SLC25A13: variants seen among roughly 807,000 people sequenced by gnomAD.
The protein encoded by SLC25A13 is solute carrier family 25 member 13.
A neutral mutation model predicts 85.5 loss-of-function variants in SLC25A13; 70 were observed. That is an observed-to-expected ratio of 0.82 (90% confidence interval 0.68 to 1.00). The LOEUF is 1.00. Ranked by LOEUF, SLC25A13 falls within the 50% of genes least tolerant of loss-of-function variation. The probability of loss-of-function intolerance (pLI) is 0.00; values close to 1 mark genes in which losing one functional copy is unlikely to be tolerated. For missense variants in SLC25A13, 765 were observed against 819.8 expected, an observed-to-expected ratio of 0.93 and a Z score of 0.82; for synonymous variants, 259 against 288.7, an observed-to-expected ratio of 0.90 and a Z score of 1.04.
At chr7:96,265,403 A>C (rs913668189) in intron 3 of SLC25A13, among the ~76,000 whole-genome samples, 4 of 152,216 alleles carry the variant, frequency 2.6e-5, no homozygotes, top group African/African-American at 9.6e-5. Context: ...TGAAAATTTT[A>C]AATCTTTCAA....
intron 11 of SLC25A13, among the ~76,000 whole-genome samples, chr7:96,183,757 G>C (rs540409748): frequency 6.6e-6 from 1 of 152,160 alleles, no homozygotes; most frequent in Non-Finnish European, 1.5e-5. Flanking sequence ...CTGTCTCAGT[G>C]GGGGGAAACC....
intron 4 of SLC25A13, among the ~76,000 whole-genome samples, chr7:96,213,277 C>T (rs893900197): frequency 1.3e-5 from 2 of 152,178 alleles, no homozygotes; most frequent in South Asian, 4.1e-4. Context: ...CATTATAATA[C>T]CACGTCAGGT....
chr7:96,220,658 A>G (rs1363967471), intron 4 of SLC25A13, among the ~76,000 whole-genome samples: 1 of 152,106 alleles, frequency 6.6e-6, no homozygotes, highest in African/African-American at 2.4e-5. Flanking sequence ...AAAATAGTCA[A>G]ATTTTCCTAG....
intron 15 of SLC25A13, among the ~76,000 whole-genome samples, chr7:96,129,589 C>T (rs761184489): frequency 4.6e-5 from 7 of 152,192 alleles, no homozygotes; most frequent in African/African-American, 1.2e-4. Context: ...AAACTATGTT[C>T]GGAAAGTTTT....
At chr7:96,187,914 C>T (rs1477846806) in intron 9 of SLC25A13, among the ~76,000 whole-genome samples, 1 of 152,178 alleles carries the variant, frequency 6.6e-6, no homozygotes, top group Non-Finnish European at 1.5e-5. Context: ...CTCTAAACCT[C>T]TAAGCGGCAG....
intron 13 of SLC25A13, among the ~76,000 whole-genome samples, chr7:96,149,840 A>G (rs1792959468): frequency 6.6e-6 from 1 of 152,184 alleles, no homozygotes; most frequent in Non-Finnish European, 1.5e-5. Context: ...TACCATACCC[A>G]TGGTTCCTCT....
At chr7:96,191,359 G>T in intron 6 of SLC25A13, 112 bp from the exon 7 acceptor site, 1 of 1,132,950 alleles carries the variant, frequency 8.8e-7, no homozygotes, top group Non-Finnish European at 1.3e-6. Flanking sequence ...GCATGTACAA[G>T]AAGAAATGAC....
At chr7:96,283,989 C>T (rs897270481) in intron 2 of SLC25A13, among the ~76,000 whole-genome samples, 6 of 151,902 alleles carry the variant, frequency 3.9e-5, no homozygotes, top group East Asian at 3.9e-4. Context: ...TAACTTACTG[C>T]GCAAGAAATT....
chr7:96,238,587 G>A (rs1202340876), intron 3 of SLC25A13, among the ~76,000 whole-genome samples: 1 of 152,074 alleles, frequency 6.6e-6, no homozygotes, highest in Non-Finnish European at 1.5e-5. Flanking sequence ...TTTAAGACAT[G>A]CTGTAATAAA....
chr7:96,297,024 A>G, intron 1 of SLC25A13, 73 bp from the exon 2 acceptor site: 1 of 1,340,698 alleles, frequency 7.5e-7, no homozygotes, highest in Non-Finnish European at 1.1e-6. Flanking sequence ...CTAAAGGAAA[A>G]TAAATCTCAG....
intron 1 of SLC25A13, among the ~76,000 whole-genome samples, chr7:96,310,251 G>T (rs900878166): frequency 6.6e-6 from 1 of 152,054 alleles, no homozygotes; most frequent in Admixed American, 6.5e-5. Flanking sequence ...ATTGTATTTG[G>T]TCATCAGGTC....
At chr7:96,160,474 T>C (rs568021560) in intron 13 of SLC25A13, among the ~76,000 whole-genome samples, 1 of 152,362 alleles carries the variant, frequency 6.6e-6, no homozygotes, top group East Asian at 1.9e-4. Flanking sequence ...CTCAGAGTTC[T>C]GGAGGCTCGA....
intron 2 of SLC25A13, among the ~76,000 whole-genome samples, chr7:96,293,338 C>A (rs1440326478): frequency 6.6e-6 from 1 of 152,110 alleles, no homozygotes; most frequent in African/African-American, 2.4e-5. Flanking sequence ...AGAAGAAAAC[C>A]TAGGCAATAC....
At chr7:96,239,065 A>ATATATGTATG (rs1392985826) in intron 3 of SLC25A13, among the ~76,000 whole-genome samples, 2 of 132,070 alleles carry the variant, frequency 1.5e-5, no homozygotes, top group African/African-American at 5.8e-5. Context: ...ATATATATAT[A>ATATATGTATG]TATGTATGTA....
At chr7:96,130,900 G>T (rs1190907256) in intron 15 of SLC25A13, among the ~76,000 whole-genome samples, 1 of 152,144 alleles carries the variant, frequency 6.6e-6, no homozygotes, top group East Asian at 1.9e-4. Flanking sequence ...CTGCAGCCAG[G>T]GTAGGTGGGG....
At chr7:96,152,894 C>T (rs993293685) in intron 13 of SLC25A13, among the ~76,000 whole-genome samples, 11 of 151,978 alleles carry the variant, frequency 7.2e-5, no homozygotes, top group African/African-American at 2.2e-4. Context: ...AGGATTGGAA[C>T]GAGAATGCTG....
intron 2 of SLC25A13, chr7:96,283,597 G>C (rs1562902387): frequency 1.3e-5 from 4 of 318,692 alleles, no homozygotes; most frequent in Non-Finnish European, 1.9e-5. Context: ...AACAAGTTAA[G>C]GGCAAGACTC....
At chr7:96,206,626 T>C (rs568712799) in intron 5 of SLC25A13, among the ~76,000 whole-genome samples, 8 of 152,238 alleles carry the variant, frequency 5.3e-5, no homozygotes, top group South Asian at 2.1e-4. Flanking sequence ...ACTATAACCA[T>C]TGTAATCTAG....
At chr7:96,268,855 C>T (rs1030479346) in intron 3 of SLC25A13, among the ~76,000 whole-genome samples, 1 of 152,184 alleles carries the variant, frequency 6.6e-6, no homozygotes, top group Non-Finnish European at 1.5e-5. Flanking sequence ...AAACACAGGA[C>T]CTTTACAACT....
Sources: gnomAD v4.1 joint callset for allele counts (sites outside exome capture counted in the v4.1 genomes callset) on GRCh38, gnomAD v4.1.1 for gene constraint, MANE v1.5 for transcripts, NCBI Gene and HGNC (gene_info 2026-07-23, HGNC 2026-07-21) for gene names.